PXDNL: variants seen among roughly 807,000 people sequenced by gnomAD.
PXDNL encodes peroxidasin like.
Under a neutral mutation model 150.8 loss-of-function variants are expected in PXDNL, and 145 were observed. The ratio of observed to expected loss-of-function variants is 0.96; its 90% CI spans 0.84 to 1.10. The LOEUF is 1.10. PXDNL is among the 50% of genes least tolerant of loss of function. PXDNL has a pLI of 0.00. For synonymous variants in PXDNL, 757 were observed against 725.7 expected (o/e 1.04, Z -0.69); for missense variants, 2,087 against 1,873.9 (o/e 1.11, Z -2.10).
At chr8:51,735,200 G>T (rs1817007477) in intron 1 of PXDNL, among the ~76,000 whole-genome samples, 1 of 152,124 alleles carries the variant, frequency 6.6e-6, no homozygotes, top group African/African-American at 2.4e-5. Flanking sequence ...TAAAAATGTG[G>T]CCAGGTGCAG....
chr8:51,344,246 T>C (rs1806077312), intron 20 of PXDNL, among the ~76,000 whole-genome samples: 1 of 151,874 alleles, frequency 6.6e-6, no homozygotes, highest in Non-Finnish European at 1.5e-5. Context: ...CAGGGACTAC[T>C]GGTGTATGCT....
intron 1 of PXDNL, among the ~76,000 whole-genome samples, chr8:51,686,183 C>T (rs576857865): frequency 6.6e-6 from 1 of 152,358 alleles, no homozygotes; most frequent in South Asian, 2.1e-4. Flanking sequence ...AACAGATTCA[C>T]TTTCGAGCCA....
At chr8:51,603,499 TC>T (rs1212224072) in intron 2 of PXDNL, among the ~76,000 whole-genome samples, 2 of 152,060 alleles carry the variant, frequency 1.3e-5, no homozygotes, top group Non-Finnish European at 2.9e-5. Flanking sequence ...ATATTTTCTT[TC>T]ATCATATTTT....
intron 14 of PXDNL, 46 bp downstream of exon 14, chr8:51,423,529 C>T: frequency 1.9e-6 from 3 of 1,566,814 alleles, no homozygotes; most frequent in Non-Finnish European, 2.6e-6. Context: ...AGAAGCTGTT[C>T]AAAGACAGTT....
At chr8:51,789,923 T>C (rs1345807430) in intron 1 of PXDNL, among the ~76,000 whole-genome samples, 1 of 152,204 alleles carries the variant, frequency 6.6e-6, no homozygotes, top group African/African-American at 2.4e-5. Context: ...TAAATATATA[T>C]GCAAAATATT....
chr8:51,509,819 T>A (rs1171382290), intron 4 of PXDNL, among the ~76,000 whole-genome samples: 3 of 150,962 alleles, frequency 2.0e-5, no homozygotes, highest in Admixed American at 6.6e-5. Flanking sequence ...CATATACGTG[T>A]GTGTGTGTAT....
chr8:51,471,892 T>C (rs1475660623), intron 8 of PXDNL, among the ~76,000 whole-genome samples: 2 of 152,210 alleles, frequency 1.3e-5, no homozygotes, highest in Admixed American at 6.5e-5. Context: ...TTCACCGTGT[T>C]AGCCAGGATG....
At chr8:51,524,012 G>A (rs981383469) in intron 4 of PXDNL, among the ~76,000 whole-genome samples, 1 of 152,172 alleles carries the variant, frequency 6.6e-6, no homozygotes, top group African/African-American at 2.4e-5. Flanking sequence ...AATGCTTTAA[G>A]CATGTAACTG....
intron 12 of PXDNL, chr8:51,435,840 C>T (rs1809391332): frequency 9.0e-6 from 4 of 443,342 alleles, no homozygotes; most frequent in Admixed American, 2.7e-5. Flanking sequence ...ACATTTTATG[C>T]AGGACTTGAG....
At chr8:51,478,605 C>A (rs1810532675) in intron 6 of PXDNL, among the ~76,000 whole-genome samples, 1 of 152,114 alleles carries the variant, frequency 6.6e-6, no homozygotes, top group Non-Finnish European at 1.5e-5. Flanking sequence ...GATGGAGAAC[C>A]CAGTGTCGGG....
chr8:51,378,270 T>A (rs1180822267), intron 17 of PXDNL, among the ~76,000 whole-genome samples: 2 of 152,174 alleles, frequency 1.3e-5, no homozygotes, highest in Admixed American at 6.5e-5. Context: ...TAAGGGATTG[T>A]AAATACACCA....
Position 51,526,212 on chromosome 8 carries a change from G to A in PXDNL, c.381-26442C>T, listed in dbSNP as rs572640844. 7.2e-5 allele frequency among the ~76,000 whole-genome samples: 11 copies of A among 152,292 alleles called. No individual in the cohort carries two copies. In the East Asian group the frequency reaches 1.7e-3, roughly 24 times the overall value. On this transcript the variant is annotated intron_variant, in intron 4 of 22. Coordinates refer to ENST00000356297, the MANE Select transcript of PXDNL (RefSeq NM_144651.5). ...CTCTGCAGCTGGGCATGGGGCTGGC[G>A]AGGCAGGTATTGCGAGTTAACAGTG... is the stretch of plus-strand genomic sequence containing the variant.
chr8:51,673,718 G>A (rs41372147), intron 1 of PXDNL, among the ~76,000 whole-genome samples: 4,291 of 152,130 alleles, frequency 0.028, 148 homozygotes, highest in East Asian at 0.18. Flanking sequence ...TCCCTTAACT[G>A]CGCAAACCAA....
chr8:51,371,527 C>T (rs1807113112), intron 19 of PXDNL, among the ~76,000 whole-genome samples: 1 of 152,148 alleles, frequency 6.6e-6, no homozygotes, highest in Non-Finnish European at 1.5e-5. Context: ...TTTCATTTCT[C>T]TTTTGTTAGA....
chr8:51,559,930 G>A (rs996729545), intron 3 of PXDNL, among the ~76,000 whole-genome samples: 2 of 151,872 alleles, frequency 1.3e-5, no homozygotes, highest in African/African-American at 4.8e-5. Context: ...AAAATTACCT[G>A]TAAATACTAA....
intron 1 of PXDNL, among the ~76,000 whole-genome samples, chr8:51,788,272 C>G (rs141168788): frequency 4.0e-4 from 61 of 152,198 alleles, no homozygotes; most frequent in African/African-American, 1.4e-3. Flanking sequence ...ATTTTGAGGA[C>G]CAGGAGATAT....
At chr8:51,369,653 TA>T (rs5891407) in intron 19 of PXDNL, among the ~76,000 whole-genome samples, 23 of 149,174 alleles carry the variant, frequency 1.5e-4, no homozygotes, top group African/African-American at 3.0e-4. Flanking sequence ...TATAGTGCCA[TA>T]AAAAAAAAAA....
At chr8:51,740,001 G>T (rs1417118077) in intron 1 of PXDNL, among the ~76,000 whole-genome samples, 1 of 152,030 alleles carries the variant, frequency 6.6e-6, no homozygotes, top group Non-Finnish European at 1.5e-5. Flanking sequence ...ATGTGTATAG[G>T]ATCTGTATTC....
chr8:51,447,701 T>C (rs1047175671), intron 11 of PXDNL, among the ~76,000 whole-genome samples: 1 of 152,200 alleles, frequency 6.6e-6, no homozygotes, highest in Non-Finnish European at 1.5e-5. Context: ...TTCTTAACAC[T>C]TTACTCTTAT....
Sources: gnomAD v4.1 joint callset for allele counts (sites outside exome capture counted in the v4.1 genomes callset) on GRCh38, gnomAD v4.1.1 for gene constraint, MANE v1.5 for transcripts, NCBI Gene and HGNC (gene_info 2026-07-23, HGNC 2026-07-21) for gene names.